Variants in NSD2 observed in about 807,000 individuals in gnomAD.
NSD2 encodes histone-lysine N-methyltransferase NSD2.
In NSD2, 12 loss-of-function variants were observed where a neutral mutation model predicts 139.0. The observed-to-expected ratio is 0.09, with a 90% confidence interval of 0.06 to 0.14. The LOEUF is 0.14. Ranked by LOEUF, NSD2 falls within the 10% of genes least tolerant of loss-of-function variation. The pLI is 1.00. For synonymous variants in NSD2, 669 were observed against 648.7 expected (o/e 1.03, Z -0.48); for missense variants, 1,155 against 1,745.0 (o/e 0.66, Z 6.02).
At position 1,901,149 on chromosome 4, in the gene NSD2, G is replaced by A. The variant is rs937436916; in HGVS notation, c.495G>A (p.Ala165=). The change falls in exon 2 of 22, where the codon GCG becomes GCA. Residue 165 remains alanine (A), a synonymous_variant. Transcript: ENST00000508803. ...EENGQKPENK[A]RRNRKRSIKY... ...ATGGACAAAAACCAGAAAACAAGGC[G>A]AGAAGGAACAGGAAGAGGAGCATAA... is the stretch of plus-strand genomic sequence containing the variant. The A allele has an allele frequency of 5.6e-6, 9 of 1,614,100 alleles. No individual in the cohort carries two copies. The highest frequency in any genetic ancestry group is 1.1e-5 in the South Asian group (1 of 91,084).
In NSD2 at chr4:1,972,423, A is replaced by G. The variant is rs565150625; in HGVS notation, c.3373-2440A>G. Among the ~76,000 whole-genome samples, 164 of 152,396 alleles carry G rather than the reference A, an allele frequency of 1.1e-3. No individual in the cohort carries two copies. The highest frequency in any genetic ancestry group is 1.8e-3 in the Non-Finnish European group (122 of 68,046). On this transcript the variant is annotated intron_variant, in intron 18 of 21. Coordinates refer to ENST00000508803, the MANE Select transcript of NSD2 (RefSeq NM_001042424.3). This position sits in a 1 kb window ranked among gnomAD's most constrained non-coding sequence, Gnocchi z 4.0. ...GGACAGGCAATTTCAAAGTCCATGT[A>G]GAAGGAAAGATCTGCAGGTCTAGCC...
In NSD2 at chr4:1,883,185, A is replaced by T. The variant is rs141827113; in HGVS notation, c.-30+11643A>T. ...AGGTGCCATTTACTGTCCAGATAGCATTCTTTCTGTGTGCATTTACATTAC... is the reference window on the plus strand; with the variant it reads ...AGGTGCCATTTACTGTCCAGATAGCTTTCTTTCTGTGTGCATTTACATTAC... On this transcript the variant is annotated intron_variant, in intron 1 of 21. Transcript: ENST00000508803. Among the ~76,000 whole-genome samples the T allele has an allele frequency of 4.3e-3, 650 of 152,290 alleles. 2 individuals are homozygous for T. Among genetic ancestry groups the T allele is most frequent in the Non-Finnish European group, 7.2e-3 (492 of 68,028 alleles).
rs1318439837 is a variant in NSD2 at position 1,895,714 on chromosome 4, C to T, written c.-29-4912C>T. Among the ~76,000 whole-genome samples the T allele has an allele frequency of 2.6e-5, 4 of 152,212 alleles. No homozygotes were observed. In the East Asian group the frequency reaches 7.7e-4, roughly 29 times the overall value. On this transcript the variant is annotated intron_variant, in intron 1 of 21. Coordinates refer to ENST00000508803, the MANE Select transcript of NSD2 (RefSeq NM_001042424.3). ...AGTGGCTCTCCCGGGGAGAGGGGGG[C>T]TCCCCATGAGCAGTTCTCAGGTTTC...
chr4:1,955,528 A>T lies in NSD2; in HGVS notation c.2519-165A>T. 1.6e-6 allele frequency: 2 copies of T among 1,228,024 alleles called. No individual in the cohort carries two copies. Among genetic ancestry groups the T allele is most frequent in the Non-Finnish European group, 1.1e-6 (1 of 910,784 alleles). The allele number at this position is 1,228,024 out of a possible 1,614,324, so 76.1% of individuals were successfully genotyped here. A position where few individuals can be genotyped will look rare whatever the true frequency, so the allele number is the denominator to read the frequency against. On this transcript the variant is annotated intron_variant, in intron 13 of 21. Coordinates refer to ENST00000508803, the MANE Select transcript of NSD2 (RefSeq NM_001042424.3). This position sits in a 1 kb window ranked among gnomAD's most constrained non-coding sequence, Gnocchi z 4.7. ...TCATTTCGCAAACATACAGGAAATT[A>T]TTTGTGGTGAAAATGACATTTGCTC...
chr4:1,939,782 AAATAAT>A lies in NSD2; in HGVS notation c.1881+13_1881+18del. The A allele has an allele frequency of 6.2e-7, 1 of 1,614,180 alleles. No individual in the cohort carries two copies. The highest frequency in any genetic ancestry group is 8.5e-7 in the Non-Finnish European group (1 of 1,180,020). The stretch of plus-strand genomic sequence containing the variant: ...TGCATCCTTAACTGAGAATGAGGTA[AAATAAT>A]AATAATAACGATAACCATGGCATTG... On this transcript the variant is annotated splice_donor_5th_base_variant and intron_variant, in intron 9 of 21. Coordinates refer to ENST00000508803, the MANE Select transcript of NSD2 (RefSeq NM_001042424.3).
intron 2 of NSD2, among the ~76,000 whole-genome samples, chr4:1,903,927 G>A (rs541118852): frequency 2.6e-5 from 4 of 152,140 alleles, no homozygotes; most frequent in African/African-American, 9.6e-5. Context: ...GTAGAGACAG[G>A]GTTTCATTGT....
chr4:1,942,108 A>G lies in NSD2; in HGVS notation c.1881+2330A>G. On this transcript the variant is annotated intron_variant, in intron 9 of 21. Coordinates refer to ENST00000508803, the MANE Select transcript of NSD2 (RefSeq NM_001042424.3). This position sits in a 1 kb window ranked among gnomAD's most constrained non-coding sequence, Gnocchi z 4.0. ...TTGGTATTTCAGAACACTTTAGGTC[A>G]TGTTGTAGTTTAAATTCTTCTTGAA... The G allele has an allele frequency of 8.0e-7, 1 of 1,250,852 alleles. No individual in the cohort carries two copies. Among genetic ancestry groups the G allele is most frequent in the Non-Finnish European group, 1.0e-6 (1 of 991,962 alleles). 77.5% of individuals were successfully genotyped at this position (1,250,852 alleles called of 1,614,324 possible).
chr4:1,878,431 T>G (rs1219445159), intron 1 of NSD2, among the ~76,000 whole-genome samples: 1 of 151,840 alleles, frequency 6.6e-6, no homozygotes, highest in Non-Finnish European at 1.5e-5. Flanking sequence ...TTAATTATTC[T>G]GTTGCTATCT....
At chr4:1,953,584 T>C (rs1037923589) in intron 12 of NSD2, 60 bp downstream of exon 12, 3 of 1,515,890 alleles carry the variant, frequency 2.0e-6, no homozygotes, top group Non-Finnish European at 2.6e-6. Flanking sequence ...CGCAGGCCCA[T>C]GGGCGCTTGG....
intron 6 of NSD2, among the ~76,000 whole-genome samples, chr4:1,933,011 C>T (rs2108865365): frequency 6.6e-6 from 1 of 152,318 alleles, no homozygotes; most frequent in South Asian, 2.1e-4. Flanking sequence ...CTTGGCAGTG[C>T]CTGAGCAGGT....
At position 1,956,156 on chromosome 4, in the gene NSD2, G is replaced by C. The variant is rs1411838742; in HGVS notation, c.2849G>C (p.Gly950Ala). Residue 950 changes from glycine (G) to alanine (A), a missense_variant, in exon 15 of 22, where the codon GGG becomes GCG. Gly to Ala is a moderately conservative substitution (Grantham distance 60, BLOSUM62 0). Coordinates refer to ENST00000508803, the MANE Select transcript of NSD2 (RefSeq NM_001042424.3). The surrounding 1 kb of genome is among the most constrained non-coding windows in gnomAD (Gnocchi z 5.3). Reference protein sequence around the residue: ...MEGDRGSRYQGVRGIGRVFKN... With the variant: ...MEGDRGSRYQAVRGIGRVFKN... ...GGGGACCGGGGCAGCCGCTACCAGG[G>C]GGTCAGAGGGATCGGAAGAGTCTTC... 1 of 1,613,342 alleles carries C rather than the reference G, an allele frequency of 6.2e-7. No individual in the cohort carries two copies. Among genetic ancestry groups the C allele is most frequent in the South Asian group, 1.1e-5 (1 of 91,000 alleles).
intron 6 of NSD2, among the ~76,000 whole-genome samples, chr4:1,934,879 ATATATATAT>A (rs1240653589): frequency 2.6e-4 from 9 of 34,078 alleles, no homozygotes; most frequent in African/African-American, 1.6e-3. Context: ...AAAAAAAAAA[ATATATATAT>A]ATATATATAT....
rs200743149 is a variant in NSD2 at position 1,908,775 on chromosome 4, TTTG to T, written c.760+4409_760+4411del. ...TGTAGTCTGTCCCAACAGTGTAGCT[TTTG>T]TTGTTGTTGTTTTGAGATAGGGTCT... On this transcript the variant is annotated intron_variant, in intron 3 of 21. Coordinates refer to ENST00000508803, the MANE Select transcript of NSD2 (RefSeq NM_001042424.3). Among the ~76,000 whole-genome samples, 895 of 152,016 alleles carry T rather than the reference TTTG, an allele frequency of 5.9e-3. 7 individuals carry two copies. Among genetic ancestry groups the T allele is most frequent in the African/African-American group, 0.02 (833 of 41,462 alleles).
chr4:1,969,575 C>T (rs1475378540), intron 18 of NSD2, among the ~76,000 whole-genome samples: 1 of 151,588 alleles, frequency 6.6e-6, no homozygotes, highest in African/African-American at 2.4e-5. Flanking sequence ...GGCACAGTGG[C>T]ATGTGCCTGT....
chr4:1,963,070 A>C (rs1725526896), intron 18 of NSD2, among the ~76,000 whole-genome samples: 1 of 152,202 alleles, frequency 6.6e-6, no homozygotes, highest in African/African-American at 2.4e-5. Context: ...CCAAGAATAC[A>C]CAACGAGAGA....
At chr4:1,883,045 G>T (rs1169063953) in intron 1 of NSD2, among the ~76,000 whole-genome samples, 1 of 152,130 alleles carries the variant, frequency 6.6e-6, no homozygotes, top group Non-Finnish European at 1.5e-5. Context: ...GCCTAGCTAG[G>T]AAGGCCTCTG....
At position 1,931,524 on chromosome 4, in the gene NSD2, T is replaced by A. The variant is rs572584648; in HGVS notation, c.1555+754T>A. The stretch of plus-strand genomic sequence containing the variant: ...ACATATTAGGGTATCAATTTAAAAT[T>A]AAAAAAAAAAGTACTGTATATCTGA... On this transcript the variant is annotated intron_variant, in intron 6 of 21. Coordinates refer to ENST00000508803, the MANE Select transcript of NSD2 (RefSeq NM_001042424.3). Among the ~76,000 whole-genome samples the A allele has an allele frequency of 5.0e-3, 739 of 148,712 alleles. 6 individuals are homozygous for A. Among genetic ancestry groups the A allele is most frequent in the African/African-American group, 0.018 (715 of 40,546 alleles).
At chr4:1,931,565 G>T (rs1485067724) in intron 6 of NSD2, among the ~76,000 whole-genome samples, 1 of 152,042 alleles carries the variant, frequency 6.6e-6, no homozygotes, top group African/African-American at 2.4e-5. Context: ...CATCATTGAG[G>T]AGCTTTGGAG....
chr4:1,974,760 A>T lies in NSD2; in HGVS notation c.3373-103A>T. The T allele has an allele frequency of 6.5e-7, 1 of 1,535,740 alleles. No individual in the cohort carries two copies. Among genetic ancestry groups the T allele is most frequent in the Non-Finnish European group, 9.0e-7 (1 of 1,114,204 alleles). Reference sequence around the variant, plus strand: ...AGGACACCACGGTTTTCAGTACAACAAGGAACACAACTTGTTCAATGTGCT... The same window carrying T: ...AGGACACCACGGTTTTCAGTACAACTAGGAACACAACTTGTTCAATGTGCT... On this transcript the variant is annotated intron_variant, in intron 18 of 21. Coordinates refer to ENST00000508803, the MANE Select transcript of NSD2 (RefSeq NM_001042424.3). This position sits in a 1 kb window ranked among gnomAD's most constrained non-coding sequence, Gnocchi z 4.0.
Sources: allele counts gnomAD v4.1 joint callset (sites outside exome capture counted in the v4.1 genomes callset), GRCh38; gene constraint gnomAD v4.1.1; non-coding constraint Gnocchi (gnomAD v3.1); transcripts MANE v1.5; gene names NCBI Gene and HGNC (gene_info 2026-07-23, HGNC 2026-07-21).